The following SLC9C1 variants were observed in gnomAD, a reference collection of about 807,000 sequenced individuals.
The protein encoded by SLC9C1 is sodium/hydrogen exchanger 10.
Under a neutral mutation model 140.9 loss-of-function variants are expected in SLC9C1, and 97 were observed. The ratio of observed to expected loss-of-function variants is 0.69; its 90% confidence interval spans 0.58 to 0.82. The LOEUF is 0.82. SLC9C1 is among the 40% of genes least tolerant of loss of function. The probability of loss-of-function intolerance (pLI) is 0.00; values close to 1 mark genes in which losing one functional copy is unlikely to be tolerated. For missense variants in SLC9C1, 1,340 were observed against 1,389.3 expected (o/e 0.96, Z 0.56); for synonymous variants, 440 against 442.6 (o/e 0.99, Z 0.07).
rs548793628 is a variant in SLC9C1, at chr3:112,164,283, A to G, written c.3364+2938T>C. Among the ~76,000 whole-genome samples, 25 of 148,126 alleles carry G rather than the reference A, an allele frequency of 1.7e-4. 1 individual carries two copies. The highest frequency in any genetic ancestry group is 6.9e-3 in the Middle Eastern group (2 of 290). Reference sequence around the variant, plus strand: ...CTTAGTCCATTTACATTTAAAGTTAATATTGTTTTGTGTGAATTTGATCCT... The same window carrying G: ...CTTAGTCCATTTACATTTAAAGTTAGTATTGTTTTGTGTGAATTTGATCCT... On this transcript the variant is annotated intron_variant, in intron 26 of 28. Coordinates refer to ENST00000305815, the MANE Select transcript of SLC9C1 (RefSeq NM_183061.3).
chr3:112,217,372 T>C, intron 15 of SLC9C1, 70 bp downstream of exon 15: 2 of 1,492,058 alleles, frequency 1.3e-6, no homozygotes, highest in African/African-American at 1.4e-5. Context: ...CAAGATACCA[T>C]TTTAAAAGAA....
At chr3:112,277,969 C>G (rs1440578547) in intron 4 of SLC9C1, 109 bp from the exon 5 acceptor site, 1 of 893,778 alleles carries the variant, frequency 1.1e-6, no homozygotes, top group East Asian at 2.8e-5. Context: ...ACCAACAGTA[C>G]CCACCAGCAG....
At chr3:112,151,376 T>C (rs1176777326) in intron 28 of SLC9C1, 1 of 518,940 alleles carries the variant, frequency 1.9e-6, no homozygotes, top group African/African-American at 1.9e-5. Flanking sequence ...AAGACTTTGC[T>C]CATTCTCACA....
chr3:112,191,198 CT>C (rs1699925602), intron 20 of SLC9C1, among the ~76,000 whole-genome samples: 1 of 152,048 alleles, frequency 6.6e-6, no homozygotes, highest in African/African-American at 2.4e-5. Context: ...CTTTTTATTT[CT>C]TCTCATGCCT....
intron 20 of SLC9C1, among the ~76,000 whole-genome samples, chr3:112,193,565 T>G (rs559324934): frequency 6.6e-6 from 1 of 152,218 alleles, no homozygotes; most frequent in African/African-American, 2.4e-5. Context: ...CTTAGGAATA[T>G]GTCTGCTGGG....
intron 20 of SLC9C1, chr3:112,185,371 G>C: frequency 2.8e-6 from 2 of 716,990 alleles, no homozygotes; most frequent in South Asian, 1.9e-5. Context: ...CTCAGCTCCA[G>C]GTCATCGGCC....
At chr3:112,266,135 C>A in intron 8 of SLC9C1, 103 bp downstream of exon 8, 1 of 880,678 alleles carries the variant, frequency 1.1e-6, no homozygotes, top group Non-Finnish European at 1.7e-6. Flanking sequence ...GTTTTCAAGT[C>A]TTTGAAAATC....
intron 14 of SLC9C1, among the ~76,000 whole-genome samples, chr3:112,218,090 A>G (rs13063452): frequency 0.76 from 114,709 of 151,900 alleles, 43,717 homozygotes; most frequent in East Asian, 0.99. Flanking sequence ...GAGTTAAAAT[A>G]GTAACTTAGA....
intron 14 of SLC9C1, among the ~76,000 whole-genome samples, chr3:112,218,778 A>G (rs1342271318): frequency 6.6e-6 from 1 of 152,198 alleles, no homozygotes; most frequent in African/African-American, 2.4e-5. Flanking sequence ...AGCATTTAAT[A>G]TAGTCTTATT....
chr3:112,185,981 T>C, intron 20 of SLC9C1: 2 of 1,555,292 alleles, frequency 1.3e-6, no homozygotes, highest in Admixed American at 1.8e-5. Flanking sequence ...TGCTGCCGGC[T>C]GGGACCCAGG....
intron 6 of SLC9C1, among the ~76,000 whole-genome samples, chr3:112,274,469 A>G (rs1250157984): frequency 6.6e-6 from 1 of 152,130 alleles, no homozygotes; most frequent in African/African-American, 2.4e-5. Context: ...AATAACTCAT[A>G]CTTCCTCCCT....
chr3:112,206,333 A>G (rs1029670124), intron 16 of SLC9C1, among the ~76,000 whole-genome samples: 1 of 152,138 alleles, frequency 6.6e-6, no homozygotes, highest in Non-Finnish European at 1.5e-5. Flanking sequence ...GGCCATCATT[A>G]AAAAGGAAAC....
intron 2 of SLC9C1, among the ~76,000 whole-genome samples, chr3:112,284,939 C>G (rs2080460782): frequency 6.8e-6 from 1 of 146,874 alleles, no homozygotes; most frequent in African/African-American, 2.5e-5. Flanking sequence ...ATTAAGTATA[C>G]TAAATAAATA....
chr3:112,274,782 C>A, intron 6 of SLC9C1, 115 bp downstream of exon 6: 2 of 1,008,984 alleles, frequency 2.0e-6, no homozygotes, highest in Non-Finnish European at 1.4e-6. Flanking sequence ...TAAACCAATA[C>A]TCACTATTAT....
intron 10 of SLC9C1, among the ~76,000 whole-genome samples, chr3:112,254,233 A>G (rs2079542511): frequency 6.6e-6 from 1 of 152,190 alleles, no homozygotes; most frequent in Non-Finnish European, 1.5e-5. Context: ...CAGGAAATAC[A>G]GAGAACCCTT....
At chr3:112,215,564 AACAG>A (rs1466163800) in intron 15 of SLC9C1, among the ~76,000 whole-genome samples, 1 of 152,082 alleles carries the variant, frequency 6.6e-6, no homozygotes, top group Non-Finnish European at 1.5e-5. Context: ...ATACACCAAT[AACAG>A]ACAAACAGCC....
chr3:112,151,748 A>G, intron 28 of SLC9C1, 109 bp downstream of exon 28: 1 of 786,868 alleles, frequency 1.3e-6, no homozygotes. Context: ...ACTAGTGGAA[A>G]GAGCTATAAT....
intron 28 of SLC9C1, among the ~76,000 whole-genome samples, chr3:112,144,105 A>G (rs1237099115): frequency 1.4e-5 from 2 of 147,796 alleles, no homozygotes; most frequent in Non-Finnish European, 3.0e-5. Flanking sequence ...CCATTGGTCT[A>G]TGTGTCTGTT....
intron 10 of SLC9C1, 119 bp from the exon 11 acceptor site, chr3:112,244,195 A>T: frequency 1.9e-6 from 1 of 525,174 alleles, no homozygotes; most frequent in Non-Finnish European, 3.2e-6. Context: ...GTACTGTGTT[A>T]ATAGATGCTC....
Sources: allele counts gnomAD v4.1 joint callset (sites outside exome capture counted in the v4.1 genomes callset), GRCh38; gene constraint gnomAD v4.1.1; transcripts MANE v1.5; gene names NCBI Gene and HGNC (gene_info 2026-07-23, HGNC 2026-07-21).